Variants in TSPEAR observed in about 807,000 individuals in gnomAD.
TSPEAR encodes the protein thrombospondin-type laminin G domain and EAR repeat-containing protein.
TSPEAR carries 69 observed loss-of-function variants against 71.6 expected under a neutral mutation model. That is an observed-to-expected ratio of 0.96 (90% CI 0.79 to 1.18). The LOEUF (loss-of-function observed/expected upper bound fraction) is 1.18, where lower values mean the gene tolerates loss of function less well. Among genes scored for constraint, TSPEAR ranks in the 50% most tolerant of loss-of-function variants. The pLI is 0.00. For synonymous variants in TSPEAR, 402 were observed against 387.2 expected (o/e 1.04, Z -0.45); for missense variants, 971 against 894.9 (o/e 1.09, Z -1.09).
chr21:44,508,855 C>T (rs1555912225), intron 10 of TSPEAR: 2 of 1,410,314 alleles, frequency 1.4e-6, no homozygotes, highest in South Asian at 1.2e-5. Context: ...GCACCTGTCC[C>T]TCTGGGGCCT....
intron 1 of TSPEAR, among the ~76,000 whole-genome samples, chr21:44,630,770 CTG>C (rs2060045425): frequency 6.6e-6 from 1 of 152,056 alleles, no homozygotes; most frequent in African/African-American, 2.4e-5. Context: ...GCTATAAAGA[CTG>C]GGAAAAAAAC....
At chr21:44,599,883 T>G (rs879988897) in intron 1 of TSPEAR, among the ~76,000 whole-genome samples, 2 of 152,036 alleles carry the variant, frequency 1.3e-5, no homozygotes, top group African/African-American at 2.4e-5. Context: ...GCGGAGGAGG[T>G]GTTCTGGGTT....
chr21:44,655,673 A>C (rs2186933), intron 1 of TSPEAR, among the ~76,000 whole-genome samples: 110,204 of 146,536 alleles, frequency 0.75, 41,515 homozygotes, highest in African/African-American at 0.87. Context: ...GATGCCCCTG[A>C]ACTTGGGAAG....
At chr21:44,598,340 C>T (rs927081318) in intron 1 of TSPEAR, among the ~76,000 whole-genome samples, 12 of 152,218 alleles carry the variant, frequency 7.9e-5, no homozygotes, top group Non-Finnish European at 1.2e-4. Flanking sequence ...GACACAGGGG[C>T]AGGATCACGT....
At chr21:44,579,473 T>C in intron 1 of TSPEAR, 3 of 509,600 alleles carry the variant, frequency 5.9e-6, no homozygotes, top group African/African-American at 1.9e-5. Context: ...CCAAGGGGAG[T>C]TTATTGGGGA....
intron 10 of TSPEAR, among the ~76,000 whole-genome samples, chr21:44,505,985 G>A (rs782522583): frequency 1.3e-5 from 2 of 152,192 alleles, no homozygotes; most frequent in African/African-American, 4.8e-5. Flanking sequence ...TGCAGAAATG[G>A]CGTCACAGTG....
rs1328571494 is a variant in TSPEAR at position 44,710,938 on chromosome 21, G to A, written c.82+495C>T. ...TTCACTCCAGAGGTGGTTGTGTTTG[G>A]GGCTGTGTCTGTGTCTCCAGCTTTT... On this transcript the variant is annotated intron_variant, in intron 1 of 11. Coordinates refer to ENST00000323084, the MANE Select transcript of TSPEAR (RefSeq NM_144991.3). The surrounding 1 kb of genome is among the most constrained non-coding windows in gnomAD (Gnocchi z 4.6). 1.3e-5 allele frequency among the ~76,000 whole-genome samples: 2 copies of A among 152,206 alleles called. No individual in the cohort carries two copies. Among genetic ancestry groups the A allele is most frequent in the Non-Finnish European group, 2.9e-5 (2 of 68,042 alleles).
intron 2 of TSPEAR, among the ~76,000 whole-genome samples, chr21:44,564,966 A>T (rs1294405933): frequency 6.6e-6 from 1 of 152,166 alleles, no homozygotes; most frequent in Non-Finnish European, 1.5e-5. Context: ...AAAATTAGAA[A>T]TCAATAATAG....
At chr21:44,560,296 T>C (rs587597166) in intron 2 of TSPEAR, among the ~76,000 whole-genome samples, 4 of 152,304 alleles carry the variant, frequency 2.6e-5, no homozygotes, top group African/African-American at 9.6e-5. Flanking sequence ...ATCCTAAATA[T>C]ATATGCACCA....
chr21:44,544,445 C>T (rs1187456319), intron 2 of TSPEAR, among the ~76,000 whole-genome samples: 1 of 152,046 alleles, frequency 6.6e-6, no homozygotes, highest in Non-Finnish European at 1.5e-5. Flanking sequence ...TGTCAAGACA[C>T]AGAATCCAAG....
chr21:44,545,179 A>C (rs1041538700), intron 2 of TSPEAR, among the ~76,000 whole-genome samples: 1 of 151,904 alleles, frequency 6.6e-6, no homozygotes, highest in East Asian at 1.9e-4. Flanking sequence ...TTAGCCGGGC[A>C]TGGTGGCAGC....
At chr21:44,533,408 GATGGCTCCTGCCCCTCCACCCC>G (rs1219734939) in intron 3 of TSPEAR, among the ~76,000 whole-genome samples, 3 of 151,772 alleles carry the variant, frequency 2.0e-5, no homozygotes, top group Non-Finnish European at 4.4e-5. Flanking sequence ...CTGCCCCGTG[GATGGCTCCTGCCCCTCCACCCC>G]ATGGCTCCTG....
At chr21:44,627,971 G>T in intron 1 of TSPEAR, 1 of 1,519,690 alleles carries the variant, frequency 6.6e-7, no homozygotes, top group Non-Finnish European at 8.9e-7. Flanking sequence ...CAGGCCTCCT[G>T]TGTGTCCCTT....
rs782771038 is a variant in TSPEAR at position 44,612,925 on chromosome 21, C to T, written c.83-44920G>A. 3.9e-5 allele frequency: 63 copies of T among 1,601,074 alleles called. No individual in the cohort carries two copies. In the Middle Eastern group the frequency reaches 5.6e-4, roughly 14 times the overall value. The stretch of plus-strand genomic sequence containing the variant: ...AGTCCAGCTGCTGATGGGCACGTCC[C>T]CCAGGGCCAGCCGGCTCCGGTCCTG... On this transcript the variant is annotated intron_variant, in intron 1 of 11. Coordinates refer to ENST00000323084, the MANE Select transcript of TSPEAR (RefSeq NM_144991.3). The surrounding 1 kb of genome is among the most constrained non-coding windows in gnomAD (Gnocchi z 4.1).
In TSPEAR at chr21:44,612,311, T is replaced by C; in HGVS notation, c.83-44306A>G. ...CCCTAGCTGCTGTGCCCCAGCCCCC[T>C]GCCTGGCCCTGGTCTGTGCCCCAGT... is the stretch of plus-strand genomic sequence containing the variant. On this transcript the variant is annotated intron_variant, in intron 1 of 11. Coordinates refer to ENST00000323084, the MANE Select transcript of TSPEAR (RefSeq NM_144991.3). The surrounding 1 kb of genome is among the most constrained non-coding windows in gnomAD (Gnocchi z 4.1). The C allele has an allele frequency of 6.2e-7, 1 of 1,613,624 alleles. No homozygotes were observed. The highest frequency in any genetic ancestry group is 1.1e-5 in the South Asian group (1 of 91,072).
chr21:44,619,064 A>AGCAAGCAGGAAGTGAAGGT lies in TSPEAR; in HGVS notation c.83-51078_83-51060dup, dbSNP rs1388276100. ...ACCTCTGGCTGAACCTCAGGCTCTG[A>AGCAAGCAGGAAGTGAAGGT]GCAAGCAGGAAGTGAAGGTGCAAGC... On this transcript the variant is annotated intron_variant, in intron 1 of 11. Coordinates refer to ENST00000323084, the MANE Select transcript of TSPEAR (RefSeq NM_144991.3). 5.1e-3 allele frequency among the ~76,000 whole-genome samples: 771 copies of AGCAAGCAGGAAGTGAAGGT among 151,802 alleles called. 2 individuals carry two copies. The highest frequency in any genetic ancestry group is 0.021 in the Middle Eastern group (6 of 292).
intron 1 of TSPEAR, among the ~76,000 whole-genome samples, chr21:44,651,914 A>G (rs1272527510): frequency 6.6e-6 from 1 of 152,132 alleles, no homozygotes; most frequent in East Asian, 1.9e-4. Flanking sequence ...ACTGAGGACT[A>G]TAGACCGAGG....
chr21:44,615,340 C>A (rs1982010045), intron 1 of TSPEAR, among the ~76,000 whole-genome samples: 1 of 152,344 alleles, frequency 6.6e-6, no homozygotes, highest in South Asian at 2.1e-4. Context: ...GGAAGAGAGT[C>A]CAGGCCGCAC....
At chr21:44,702,725 T>G (rs1269395340) in intron 1 of TSPEAR, 9 of 1,460,210 alleles carry the variant, frequency 6.2e-6, no homozygotes, top group Non-Finnish European at 9.6e-7. Context: ...GCCTCCTGCG[T>G]GTCCCTCCTC....
Sources: allele counts gnomAD v4.1 joint callset (sites outside exome capture counted in the v4.1 genomes callset), GRCh38; gene constraint gnomAD v4.1.1; non-coding constraint Gnocchi (gnomAD v3.1); transcripts MANE v1.5; gene names NCBI Gene and HGNC (gene_info 2026-07-23, HGNC 2026-07-21).